Variants in FILIP1L observed in about 807,000 individuals in gnomAD.
FILIP1L encodes the protein filamin A-interacting protein 1-like.
FILIP1L carries 55 observed loss-of-function variants against 96.6 expected under a neutral mutation model. The ratio of observed to expected loss-of-function variants is 0.57; its 90% confidence interval spans 0.46 to 0.71. The LOEUF (loss-of-function observed/expected upper bound fraction) is 0.71, where lower values mean the gene tolerates loss of function less well. Ranked by LOEUF, FILIP1L falls within the 30% of genes least tolerant of loss-of-function variation. The pLI is 0.00. For synonymous variants in FILIP1L, 467 were observed against 473.9 expected (o/e 0.99, Z 0.19); for missense variants, 1,304 against 1,321.2 (o/e 0.99, Z 0.20).
intron 4 of FILIP1L, among the ~76,000 whole-genome samples, chr3:99,854,097 T>A (rs375090956): frequency 3.3e-5 from 5 of 152,168 alleles, no homozygotes; most frequent in African/African-American, 9.7e-5. Flanking sequence ...TAAATCGTTA[T>A]TTCTTGCCTT....
At chr3:100,080,230 GC>G (rs1239293441) in intron 1 of FILIP1L, among the ~76,000 whole-genome samples, 1 of 151,958 alleles carries the variant, frequency 6.6e-6, no homozygotes, top group Non-Finnish European at 1.5e-5. Context: ...CCATCCACCT[GC>G]CTTGGCCTCC....
intron 1 of FILIP1L, among the ~76,000 whole-genome samples, chr3:99,970,132 C>T (rs7650727): frequency 0.49 from 75,020 of 152,024 alleles, 18,933 homozygotes; most frequent in East Asian, 0.69. Context: ...TCATACTTTG[C>T]GTGCATTAAA....
At chr3:100,074,298 G>A (rs2065811614) in intron 1 of FILIP1L, among the ~76,000 whole-genome samples, 1 of 152,086 alleles carries the variant, frequency 6.6e-6, no homozygotes, top group African/African-American at 2.4e-5. Context: ...GCAAGGCAAA[G>A]GTTTCCGTTG....
At chr3:100,080,929 G>A (rs2065922640) in intron 1 of FILIP1L, among the ~76,000 whole-genome samples, 1 of 152,192 alleles carries the variant, frequency 6.6e-6, no homozygotes, top group South Asian at 2.1e-4. Context: ...TAAAGGATGA[G>A]TTGAGAGTAT....
At chr3:99,963,673 G>A (rs150407729) in intron 1 of FILIP1L, among the ~76,000 whole-genome samples, 125 of 151,838 alleles carry the variant, frequency 8.2e-4, no homozygotes, top group African/African-American at 2.8e-3. Context: ...GTGCAGTGGC[G>A]TGATCTCGGT....
chr3:99,876,229 T>C (rs1421640450), intron 4 of FILIP1L: 5 of 985,158 alleles, frequency 5.1e-6, no homozygotes, highest in African/African-American at 3.5e-5. Context: ...TTCTGCCTTA[T>C]AAGGCGCTCC....
In FILIP1L at chr3:99,848,636, G is replaced by T. The variant is rs1462797701; in HGVS notation, c.3040C>A (p.Pro1014Thr). The T allele has an allele frequency of 6.2e-7, 1 of 1,614,058 alleles. No individual in the cohort carries two copies. Among genetic ancestry groups the T allele is most frequent in the African/African-American group, 1.3e-5 (1 of 74,924 alleles). The change falls in exon 5 of 6, where the codon CCT (proline) becomes ACT (threonine). Residue 1014 changes from proline (P) to threonine (T), a missense_variant. By Grantham distance (38) the Pro-to-Thr change is conservative (BLOSUM62 -1). Coordinates refer to ENST00000477258, the MANE Select transcript of FILIP1L (RefSeq NM_001387850.1). ...GGTTCTGGGGAGCGTCCCTGCTCAG[G>T]AGAGCTAGCTGAACCAGTCACAGCC... is the stretch of plus-strand genomic sequence containing the variant. ...VLAVTGSASS[P>T]EQGRSPEPTE...
intron 1 of FILIP1L, among the ~76,000 whole-genome samples, chr3:100,089,796 T>A (rs775301075): frequency 2.0e-5 from 3 of 152,244 alleles, no homozygotes; most frequent in Non-Finnish European, 4.4e-5. Flanking sequence ...TCAGGCTTTT[T>A]AAGTAGAATG....
chr3:99,956,970 C>A (rs1262695818), intron 1 of FILIP1L, among the ~76,000 whole-genome samples: 3 of 152,206 alleles, frequency 2.0e-5, no homozygotes, highest in African/African-American at 4.8e-5. Flanking sequence ...GGTCTTCCTA[C>A]CTATTTCTGT....
intron 1 of FILIP1L, among the ~76,000 whole-genome samples, chr3:100,066,515 T>C (rs62285466): frequency 4.0e-5 from 4 of 99,280 alleles, no homozygotes; most frequent in Non-Finnish European, 6.2e-5. Context: ...AAGGCTTTGC[T>C]TCTTTTTTTT....
intron 1 of FILIP1L, among the ~76,000 whole-genome samples, chr3:99,998,882 T>C (rs1181431350): frequency 6.7e-6 from 1 of 148,704 alleles, no homozygotes; most frequent in African/African-American, 2.5e-5. Flanking sequence ...GTTCTTAAAC[T>C]CTAACCTAAT....
intron 1 of FILIP1L, among the ~76,000 whole-genome samples, chr3:99,971,131 A>T (rs1213697485): frequency 6.6e-6 from 1 of 152,084 alleles, no homozygotes; most frequent in Admixed American, 6.5e-5. Flanking sequence ...AGGTCAGGAG[A>T]TCGAGACCAT....
chr3:99,987,546 A>AG (rs927174001), intron 1 of FILIP1L, among the ~76,000 whole-genome samples: 1 of 149,932 alleles, frequency 6.7e-6, no homozygotes, highest in Non-Finnish European at 1.5e-5. Context: ...AAAAAAAAAA[A>AG]GAAAGAAAGA....
chr3:99,842,328 CAG>C (rs1353634861), intron 5 of FILIP1L, among the ~76,000 whole-genome samples: 5 of 152,100 alleles, frequency 3.3e-5, no homozygotes, highest in Non-Finnish European at 5.9e-5. Flanking sequence ...TCTGGGGACT[CAG>C]GGGAAAGAGT....
chr3:100,008,452 G>C (rs756007767), intron 1 of FILIP1L, among the ~76,000 whole-genome samples: 5 of 152,176 alleles, frequency 3.3e-5, no homozygotes, highest in Non-Finnish European at 7.3e-5. Context: ...TGTGTTTGCT[G>C]TAGTCATTGG....
intron 1 of FILIP1L, among the ~76,000 whole-genome samples, chr3:100,004,760 C>G (rs988997742): frequency 6.6e-6 from 1 of 152,122 alleles, no homozygotes; most frequent in African/African-American, 2.4e-5. Flanking sequence ...AAAGTGGAAG[C>G]ACGTAATGTC....
chr3:100,087,258 T>C (rs1488952970), intron 1 of FILIP1L, among the ~76,000 whole-genome samples: 4 of 152,238 alleles, frequency 2.6e-5, no homozygotes, highest in Non-Finnish European at 4.4e-5. Flanking sequence ...TTTAGCATCT[T>C]ATAAAGAACT....
At chr3:100,021,938 TGTGTGTGTGTGTGTGTGTGTGTGA>T (rs1343314687) in intron 1 of FILIP1L, among the ~76,000 whole-genome samples, 2 of 126,354 alleles carry the variant, frequency 1.6e-5, no homozygotes, top group African/African-American at 2.9e-5. Context: ...TGTGTGTGTG[TGTGTGTGTGTGTGTGTGTGTGTGA>T]GAGAGAGAGA....
chr3:100,071,113 G>A (rs1292027061), intron 1 of FILIP1L, among the ~76,000 whole-genome samples: 1 of 18,902 alleles, frequency 5.3e-5, no homozygotes, highest in Non-Finnish European at 9.4e-5. Context: ...TTTTTTTTTG[G>A]ATGGATTAGC....
Sources: allele counts gnomAD v4.1 joint callset (sites outside exome capture counted in the v4.1 genomes callset), GRCh38; gene constraint gnomAD v4.1.1; transcripts MANE v1.5; gene names NCBI Gene and HGNC (gene_info 2026-07-23, HGNC 2026-07-21).